IFT74: variants seen among roughly 807,000 people sequenced by gnomAD.
The protein encoded by IFT74 is intraflagellar transport protein 74 homolog.
IFT74 carries 92 observed loss-of-function variants against 96.7 expected under a neutral mutation model. The ratio of observed to expected loss-of-function variants is 0.95; its 90% confidence interval spans 0.80 to 1.13. The LOEUF is 1.13. Ranked by LOEUF, IFT74 falls within the 50% of genes most tolerant of loss-of-function variation. IFT74 has a pLI of 0.00. For synonymous variants in IFT74, 223 were observed against 213.2 expected, an observed-to-expected ratio of 1.05 and a Z score of -0.40; for missense variants, 811 against 698.2, an observed-to-expected ratio of 1.16 and a Z score of -1.82.
At chr9:26,962,231 A>G in intron 2 of IFT74, 144 bp downstream of exon 2, 1 of 667,972 alleles carries the variant, frequency 1.5e-6, no homozygotes, top group Non-Finnish European at 2.5e-6. Flanking sequence ...AAATCTGTTG[A>G]ATGCTTGTGC....
chr9:26,948,448 A>ATTATTATTATTTTTTTT (rs1825819541), intron 1 of IFT74, among the ~76,000 whole-genome samples: 1 of 59,162 alleles, frequency 1.7e-5, no homozygotes, highest in Non-Finnish European at 3.8e-5. Flanking sequence ...GCTTTCCATT[A>ATTATTATTATTTTTTTT]TTTTTTTTTT....
upstream of IFT74, among the ~76,000 whole-genome samples, chr9:26,951,589 G>GA (rs1407019872): frequency 2.0e-5 from 3 of 152,092 alleles, no homozygotes; most frequent in Admixed American, 6.5e-5. Flanking sequence ...ATATATATAA[G>GA]AAAAAAACCC....
chr9:27,056,222 A>G lies in IFT74; in HGVS notation c.1498-112A>G, dbSNP rs541165520. 1.3e-4 allele frequency: 107 copies of G among 807,894 alleles called. 1 individual carries two copies. The highest frequency in any genetic ancestry group is 6.3e-4 in the African/African-American group (35 of 55,578). 50.0% of individuals were successfully genotyped at this position (807,894 alleles called of 1,614,324 possible). A position where few individuals can be genotyped will look rare whatever the true frequency, so the allele number is the denominator to read the frequency against. The stretch of plus-strand genomic sequence containing the variant: ...TACAAACGGGTTTTAGAGTAGTTAT[A>G]GCCTTGATATAATTTTACCAGAATA... On this transcript the variant is annotated intron_variant, in intron 17 of 19. Coordinates refer to ENST00000380062, the MANE Select transcript of IFT74 (RefSeq NM_025103.4).
chr9:27,004,869 T>TA (rs2131591309), intron 8 of IFT74, among the ~76,000 whole-genome samples: 1 of 152,296 alleles, frequency 6.6e-6, no homozygotes, highest in African/African-American at 2.4e-5. Context: ...AAAAGAGCTT[T>TA]ACTCAAAGGA....
At chr9:26,982,451 ATTTT>A (rs56756518) in intron 4 of IFT74, 1,005 of 214,108 alleles carry the variant, frequency 4.7e-3, no homozygotes, top group Middle Eastern at 0.013. Context: ...TAATTTTTGT[ATTTT>A]TTTTTTTTTT....
At chr9:27,011,757 C>T (rs532686894) in intron 9 of IFT74, 149 bp from the exon 10 acceptor site, 16 of 409,314 alleles carry the variant, frequency 3.9e-5, no homozygotes, top group Non-Finnish European at 7.1e-5. Flanking sequence ...ATGTAAGATG[C>T]CAGTGAAGAT....
chr9:27,036,590 C>A, intron 13 of IFT74: 1 of 1,577,284 alleles, frequency 6.3e-7, no homozygotes, highest in Non-Finnish European at 8.6e-7. Flanking sequence ...CATTGTTTCA[C>A]AGATCTTCAG....
chr9:27,018,741 C>T (rs1022003208), intron 12 of IFT74, 54 bp downstream of exon 12: 32 of 1,137,968 alleles, frequency 2.8e-5, no homozygotes, highest in Non-Finnish European at 3.4e-5. Flanking sequence ...TTAAAAATTA[C>T]ATTCTAAAGG....
intron 13 of IFT74, among the ~76,000 whole-genome samples, chr9:27,037,331 G>A (rs1819252447): frequency 6.6e-6 from 1 of 151,684 alleles, no homozygotes; most frequent in South Asian, 2.1e-4. Context: ...GTATGAAAAA[G>A]CATTTAGCCT....
rs767470907 is a variant in IFT74 at position 27,009,167 on chromosome 9, A to G, written c.726+9A>G. 9.3e-6 allele frequency: 15 copies of G among 1,609,030 alleles called. No individual in the cohort carries two copies. The South Asian group carries it at 1.2e-4, about 13-fold the overall frequency. Reference sequence around the variant, plus strand: ...ATGAGAAACTGTTACAGGTAATACAAATTACTGCTGTGTGCCAAGCATGTA... The same window carrying G: ...ATGAGAAACTGTTACAGGTAATACAGATTACTGCTGTGTGCCAAGCATGTA... On this transcript the variant is annotated intron_variant, in intron 9 of 19. Transcript: ENST00000380062.
In IFT74 at chr9:26,975,421, G is replaced by A. The variant is rs756090795; in HGVS notation, c.121-2707G>A. On this transcript the variant is annotated intron_variant, in intron 2 of 19. Transcript: ENST00000380062. ...TCTTCATTGGAACCAAATTTTGGCC[G>A]GAAAACTGAGGGTTTGAGGATGGGC... 7.2e-5 allele frequency among the ~76,000 whole-genome samples: 11 copies of A among 152,140 alleles called. No individual in the cohort carries two copies. In the East Asian group the frequency reaches 1.2e-3, roughly 16 times the overall value.
At chr9:26,948,247 C>T (rs777100745) in intron 1 of IFT74, among the ~76,000 whole-genome samples, 14 of 152,036 alleles carry the variant, frequency 9.2e-5, no homozygotes, top group Non-Finnish European at 1.8e-4. Context: ...CCCATATTGT[C>T]TTCTCCAAAC....
intron 10 of IFT74, among the ~76,000 whole-genome samples, chr9:27,015,845 A>G (rs1156652744): frequency 6.6e-6 from 1 of 152,230 alleles, no homozygotes; most frequent in African/African-American, 2.4e-5. Context: ...GATAGCATAT[A>G]AATAACATGT....
At chr9:26,953,615 T>C (rs990631900), upstream of IFT74, among the ~76,000 whole-genome samples, 9 of 152,198 alleles carry the variant, frequency 5.9e-5, no homozygotes, top group African/African-American at 2.2e-4. Flanking sequence ...TTCTCTATTT[T>C]ACAGTAGAAT....
intron 6 of IFT74, among the ~76,000 whole-genome samples, chr9:26,986,312 G>T: frequency 6.8e-6 from 1 of 147,212 alleles, no homozygotes. Context: ...TTTGTTTTTT[G>T]TTTTTTTGTT....
intron 8 of IFT74, among the ~76,000 whole-genome samples, chr9:27,004,306 A>G (rs897868401): frequency 6.6e-6 from 1 of 152,202 alleles, no homozygotes; most frequent in African/African-American, 2.4e-5. Flanking sequence ...TTTCCATTGG[A>G]TAGATCTTGG....
At chr9:27,018,034 A>G (rs1829427840) in intron 11 of IFT74, among the ~76,000 whole-genome samples, 2 of 152,202 alleles carry the variant, frequency 1.3e-5, no homozygotes, top group South Asian at 2.1e-4. Context: ...AAGGTATTAA[A>G]TCTAGAACCT....
At chr9:27,059,566 A>G (rs1426457068) in intron 18 of IFT74, among the ~76,000 whole-genome samples, 1 of 152,234 alleles carries the variant, frequency 6.6e-6, no homozygotes, top group East Asian at 1.9e-4. Context: ...TTAGAAATTT[A>G]CTGCCAGAAA....
chr9:27,045,727 C>A (rs1463558711), intron 14 of IFT74, among the ~76,000 whole-genome samples: 1 of 152,112 alleles, frequency 6.6e-6, no homozygotes, highest in Non-Finnish European at 1.5e-5. Flanking sequence ...GCTAGAATTT[C>A]ATCTAGGTCT....
Sources: gnomAD v4.1 joint callset for allele counts (sites outside exome capture counted in the v4.1 genomes callset) on GRCh38, gnomAD v4.1.1 for gene constraint, MANE v1.5 for transcripts, NCBI Gene and HGNC (gene_info 2026-07-23, HGNC 2026-07-21) for gene names.